The following ATG7 variants were observed in gnomAD, a reference collection of about 807,000 sequenced individuals.
The protein encoded by ATG7 is autophagy related 7, also known as ubiquitin-like modifier-activating enzyme ATG7.
ATG7 carries 70 observed loss-of-function variants against 82.4 expected under a neutral mutation model. The observed-to-expected ratio is 0.85, with a 90% CI of 0.70 to 1.04. The LOEUF is 1.04. Among genes scored for constraint, ATG7 ranks in the 50% least tolerant of loss-of-function variants. ATG7 has a pLI of 0.00. For missense variants in ATG7, 792 were observed against 864.3 expected, an observed-to-expected ratio of 0.92 and a Z score of 1.05; for synonymous variants, 287 against 313.0, an observed-to-expected ratio of 0.92 and a Z score of 0.88.
At chr3:11,303,917 C>CAAAA (rs55893689) in intron 5 of ATG7, among the ~76,000 whole-genome samples, 6 of 75,888 alleles carry the variant, frequency 7.9e-5, no homozygotes, top group African/African-American at 3.0e-4. Flanking sequence ...ACTAAAAATG[C>CAAAA]AAAAAAAAAA....
intron 20 of ATG7, among the ~76,000 whole-genome samples, chr3:11,503,755 C>CAAAAAAA (rs34065629): frequency 3.5e-4 from 27 of 76,900 alleles, no homozygotes; most frequent in African/African-American, 5.6e-4. Flanking sequence ...GACTCTGTCT[C>CAAAAAAA]AAAAAAAAAA....
intron 20 of ATG7, among the ~76,000 whole-genome samples, chr3:11,456,702 G>A (rs1327747913): frequency 6.6e-6 from 1 of 152,140 alleles, no homozygotes; most frequent in Non-Finnish European, 1.5e-5. Flanking sequence ...TCTAACAAAA[G>A]CCACAATTAC....
At chr3:11,404,562 C>T (rs2080151093) in intron 19 of ATG7, among the ~76,000 whole-genome samples, 1 of 151,898 alleles carries the variant, frequency 6.6e-6, no homozygotes, top group Admixed American at 6.6e-5. Flanking sequence ...TCAGATCTTC[C>T]CTGAGCAGGT....
intron 12 of ATG7, among the ~76,000 whole-genome samples, chr3:11,340,998 C>A (rs1342024649): frequency 1.3e-5 from 2 of 152,206 alleles, no homozygotes; most frequent in African/African-American, 4.8e-5. Context: ...CACCAGCGTA[C>A]CTGTACTGCC....
At chr3:11,328,885 G>A (rs1479098388) in intron 9 of ATG7, among the ~76,000 whole-genome samples, 2 of 152,156 alleles carry the variant, frequency 1.3e-5, no homozygotes, top group Non-Finnish European at 2.9e-5. Flanking sequence ...TCAGGCGTTC[G>A]AGACCAACCT....
intron 19 of ATG7, among the ~76,000 whole-genome samples, chr3:11,401,671 C>G (rs1272024225): frequency 6.6e-6 from 1 of 152,108 alleles, no homozygotes; most frequent in Non-Finnish European, 1.5e-5. Flanking sequence ...TTTTATAAGC[C>G]ATTCTGTGCA....
At chr3:11,433,015 G>GC (rs2083045754) in intron 20 of ATG7, among the ~76,000 whole-genome samples, 1 of 152,084 alleles carries the variant, frequency 6.6e-6, no homozygotes, top group Admixed American at 6.5e-5. Context: ...ATTTGGGATG[G>GC]GTACAGTGGC....
intron 19 of ATG7, among the ~76,000 whole-genome samples, chr3:11,398,401 A>G (rs2079512425): frequency 6.6e-6 from 1 of 152,250 alleles, no homozygotes; most frequent in Non-Finnish European, 1.5e-5. Context: ...ATTATGCAAG[A>G]AATCAGTAAT....
At chr3:11,454,805 C>T (rs2085539726) in intron 20 of ATG7, among the ~76,000 whole-genome samples, 1 of 152,170 alleles carries the variant, frequency 6.6e-6, no homozygotes, top group African/African-American at 2.4e-5. Flanking sequence ...AACAGATGTT[C>T]ATCAAATGCT....
At chr3:11,409,401 G>T (rs902871753) in intron 19 of ATG7, among the ~76,000 whole-genome samples, 3 of 152,246 alleles carry the variant, frequency 2.0e-5, no homozygotes, top group Non-Finnish European at 4.4e-5. Context: ...AGTACTCTAT[G>T]TTGCACTGTG....
At chr3:11,566,125 C>G in the ATG7 span, among the ~76,000 whole-genome samples, 1 of 152,242 alleles carries the variant, frequency 6.6e-6, no homozygotes, top group African/African-American at 2.4e-5. Context: ...CAGCCCCCGT[C>G]CCGGACTGGC....
At position 11,483,388 on chromosome 3, in the gene ATG7, GCTCC is replaced by G. The variant is rs1461810568; in HGVS notation, c.2079+56464_2079+56467del. Among the ~76,000 whole-genome samples the G allele has an allele frequency of 2.8e-3, 424 of 152,286 alleles. 1 individual carries two copies. Among genetic ancestry groups the G allele is most frequent in the Middle Eastern group, 6.8e-3 (2 of 294 alleles). ...CTTAGAATTGTCAGATATCCACTGA[GCTCC>G]CAACACGCACAGATCTTGCTTTCCT... is the stretch of plus-strand genomic sequence containing the variant. On this transcript the variant is annotated intron_variant, in intron 20 of 20. Coordinates refer to ENST00000693202, the MANE Select transcript of ATG7 (RefSeq NM_001349232.2).
rs532220763 is a variant in ATG7, at chr3:11,363,635, G to A, written c.1799+707G>A. ...TGATGGGGAAATCAAGGCATAGTGA[G>A]GATAAGTAAGTGGCCAAATTTACAT... On this transcript the variant is annotated intron_variant, in intron 17 of 20. Transcript: ENST00000693202. Among the ~76,000 whole-genome samples, 3 of 152,300 alleles carry A rather than the reference G, an allele frequency of 2.0e-5. No homozygotes were observed. In the South Asian group the frequency reaches 6.2e-4, roughly 32 times the overall value.
the ATG7 span, chr3:11,568,573 G>A: frequency 6.4e-7 from 1 of 1,555,166 alleles, no homozygotes; most frequent in South Asian, 1.2e-5. The surrounding 1 kb of genome is among the most constrained non-coding windows in gnomAD (Gnocchi z 5.9). Flanking sequence ...AGAACTGGCT[G>A]GTTAATTTTA....
chr3:11,554,731 T>C (rs2072234669), intron 20 of ATG7, 80 bp from the exon 21 acceptor site: 1 of 1,550,454 alleles, frequency 6.4e-7, no homozygotes, highest in Non-Finnish European at 8.8e-7. Context: ...CTGCCATGAC[T>C]GCTGCGGTTT....
At chr3:11,417,797 A>ATTTT (rs1559578041) in intron 19 of ATG7, among the ~76,000 whole-genome samples, 1 of 43,132 alleles carries the variant, frequency 2.3e-5, no homozygotes. Flanking sequence ...TATTATTATT[A>ATTTT]TTATTTTATT....
intron 1 of ATG7, among the ~76,000 whole-genome samples, chr3:11,279,632 C>T (rs1942631341): frequency 1.3e-5 from 2 of 152,144 alleles, no homozygotes; most frequent in South Asian, 4.1e-4. Flanking sequence ...TGCAGTGAAG[C>T]CGAAATTGAG....
At chr3:11,529,029 G>T (rs1209234411) in intron 20 of ATG7, among the ~76,000 whole-genome samples, 1 of 151,960 alleles carries the variant, frequency 6.6e-6, no homozygotes, top group Non-Finnish European at 1.5e-5. Flanking sequence ...GGACATTTCA[G>T]GTAGAAGAAA....
chr3:11,494,992 A>G (rs2090701954), intron 20 of ATG7, among the ~76,000 whole-genome samples: 1 of 152,096 alleles, frequency 6.6e-6, no homozygotes, highest in Non-Finnish European at 1.5e-5. Flanking sequence ...GAATCGCTTG[A>G]ACCTGGGAGG....
Sources: gnomAD v4.1 joint callset for allele counts (sites outside exome capture counted in the v4.1 genomes callset) on GRCh38, gnomAD v4.1.1 for gene constraint, Gnocchi (gnomAD v3.1) non-coding constraint, MANE v1.5 for transcripts, NCBI Gene and HGNC (gene_info 2026-07-23, HGNC 2026-07-21) for gene names.